DLGAP4: variants seen among roughly 807,000 people sequenced by gnomAD.
DLGAP4 encodes the protein disks large-associated protein 4.
Under a neutral mutation model 86.9 loss-of-function variants are expected in DLGAP4, and 18 were observed. That is an observed-to-expected ratio of 0.21 (90% confidence interval 0.14 to 0.31). DLGAP4 has a LOEUF of 0.31. Among genes scored for constraint, DLGAP4 ranks in the 10% least tolerant of loss-of-function variants. The probability of loss-of-function intolerance (pLI) is 1.00; values close to 1 mark genes in which losing one functional copy is unlikely to be tolerated. For missense variants in DLGAP4, 1,085 were observed against 1,362.6 expected, an observed-to-expected ratio of 0.80 and a Z score of 3.21; for synonymous variants, 548 against 574.3, an observed-to-expected ratio of 0.95 and a Z score of 0.65.
chr20:36,502,338 A>G (rs1158923744), intron 10 of DLGAP4, among the ~76,000 whole-genome samples: 1 of 152,086 alleles, frequency 6.6e-6, no homozygotes, highest in East Asian at 1.9e-4. Flanking sequence ...AATACACTCC[A>G]TTTGCTAAAT....
chr20:36,370,882 G>T (rs987229939), intron 2 of DLGAP4, among the ~76,000 whole-genome samples: 1 of 152,212 alleles, frequency 6.6e-6, no homozygotes, highest in African/African-American at 2.4e-5. Context: ...GTGAGACAGG[G>T]TCAGACCCAC....
At chr20:36,346,676 T>G (rs1170004042) in intron 1 of DLGAP4, among the ~76,000 whole-genome samples, 11 of 152,214 alleles carry the variant, frequency 7.2e-5, no homozygotes, top group African/African-American at 2.7e-4. Flanking sequence ...TGATTTCCTC[T>G]CTCTGTTTTC....
At chr20:36,326,304 T>C (rs1470319582) in intron 1 of DLGAP4, among the ~76,000 whole-genome samples, 1 of 152,238 alleles carries the variant, frequency 6.6e-6, no homozygotes, top group Non-Finnish European at 1.5e-5. Context: ...TCTCTTTTCT[T>C]ATTTTTCTGC....
intron 7 of DLGAP4, among the ~76,000 whole-genome samples, chr20:36,486,992 A>G (rs935879252): frequency 2.6e-5 from 4 of 152,142 alleles, no homozygotes; most frequent in Non-Finnish European, 5.9e-5. Flanking sequence ...CAGGGTTCCA[A>G]GAGTGATTGT....
intron 7 of DLGAP4, among the ~76,000 whole-genome samples, chr20:36,491,334 G>A (rs2035654037): frequency 6.6e-6 from 1 of 152,178 alleles, no homozygotes; most frequent in Non-Finnish European, 1.5e-5. Flanking sequence ...TGCGAGGTAG[G>A]GAGGCTGGGC....
At chr20:36,348,352 C>T (rs1170801069) in intron 1 of DLGAP4, among the ~76,000 whole-genome samples, 1 of 152,214 alleles carries the variant, frequency 6.6e-6, no homozygotes, top group Non-Finnish European at 1.5e-5. Flanking sequence ...GCTATGGCCA[C>T]CTTTTGAGTG....
At chr20:36,378,866 G>A (rs770294095) in intron 2 of DLGAP4, among the ~76,000 whole-genome samples, 7 of 152,100 alleles carry the variant, frequency 4.6e-5, no homozygotes, top group East Asian at 3.9e-4. Flanking sequence ...GTGGGAAGGC[G>A]TGGGAAGCAA....
Position 36,527,097 on chromosome 20 carries a change from C to G in DLGAP4, c.*66C>G. The G allele has an allele frequency of 6.9e-7, 1 of 1,457,804 alleles. No individual in the cohort carries two copies. Among genetic ancestry groups the G allele is most frequent in the Non-Finnish European group, 9.2e-7 (1 of 1,084,276 alleles). 90.3% of individuals were successfully genotyped at this position (1,457,804 alleles called of 1,614,324 possible). The stretch of plus-strand genomic sequence containing the variant: ...ACACAAAAACTAAGTGCGAACGGAA[C>G]AGAGTTTTCTCAACCTTTGCTATGG... On this transcript the variant is annotated 3_prime_UTR_variant, in exon 13 of 13. Transcript: ENST00000339266.
intron 2 of DLGAP4, among the ~76,000 whole-genome samples, chr20:36,383,819 C>T (rs1015666224): frequency 2.0e-5 from 3 of 151,646 alleles, no homozygotes; most frequent in African/African-American, 7.3e-5. Context: ...ACTAAAAATA[C>T]AAAAAATTAG....
At chr20:36,330,484 AGTT>A (rs2065256378) in intron 1 of DLGAP4, among the ~76,000 whole-genome samples, 1 of 151,566 alleles carries the variant, frequency 6.6e-6, no homozygotes, top group East Asian at 1.9e-4. Context: ...TCTGTGCCTT[AGTT>A]TCCTCATCTG....
At chr20:36,323,313 C>A (rs1275784022) in intron 1 of DLGAP4, among the ~76,000 whole-genome samples, 2 of 151,012 alleles carry the variant, frequency 1.3e-5, no homozygotes, top group Non-Finnish European at 2.9e-5. Flanking sequence ...AAAGCCATAG[C>A]TTTGTTTTGT....
At position 36,393,970 on chromosome 20, in the gene DLGAP4, C is replaced by T. The variant is rs1284792639; in HGVS notation, c.-73+26695C>T. Among the ~76,000 whole-genome samples the T allele has an allele frequency of 6.6e-6, 1 of 152,198 alleles. No individual in the cohort carries two copies. The highest frequency in any genetic ancestry group is 1.5e-5 in the Non-Finnish European group (1 of 68,028). On this transcript the variant is annotated intron_variant, in intron 2 of 12. Coordinates refer to ENST00000339266, the MANE Select transcript of DLGAP4 (RefSeq NM_001365621.2). The surrounding 1 kb of genome is among the most constrained non-coding windows in gnomAD (Gnocchi z 4.4). ...TGTACACACAGGGAGGTGGCCTTCA[C>T]AGGGTGCCCCCTCCCTCCTCCATGC...
At chr20:36,450,723 A>G (rs2033715645) in intron 7 of DLGAP4, among the ~76,000 whole-genome samples, 1 of 152,170 alleles carries the variant, frequency 6.6e-6, no homozygotes, top group African/African-American at 2.4e-5. Flanking sequence ...TATCTACCCT[A>G]CAGTCTAACC....
chr20:36,499,678 T>C lies in DLGAP4; in HGVS notation c.2099+2T>C. 6.2e-7 allele frequency: 1 copy of C among 1,613,154 alleles called. No individual in the cohort carries two copies. Among genetic ancestry groups the C allele is most frequent in the Non-Finnish European group, 8.5e-7 (1 of 1,179,674 alleles). Reference sequence around the variant, plus strand: ...GGTTCAGGTAGAGGACGACTGGCGGTAAGTCGGACAGAGGTGGCGGCTGCT... The same window carrying C: ...GGTTCAGGTAGAGGACGACTGGCGGCAAGTCGGACAGAGGTGGCGGCTGCT... On this transcript the variant is annotated splice_donor_variant, in intron 9 of 12. Coordinates refer to ENST00000339266, the MANE Select transcript of DLGAP4 (RefSeq NM_001365621.2). LOFTEE classifies it high-confidence loss of function.
intron 4 of DLGAP4, among the ~76,000 whole-genome samples, chr20:36,436,962 C>A (rs2033304104): frequency 6.6e-6 from 1 of 152,208 alleles, no homozygotes; most frequent in Non-Finnish European, 1.5e-5. Flanking sequence ...AAGTCCCGCT[C>A]ACCCGCAAGC....
At chr20:36,379,011 G>A (rs768089237) in intron 2 of DLGAP4, among the ~76,000 whole-genome samples, 1 of 152,122 alleles carries the variant, frequency 6.6e-6, no homozygotes, top group Non-Finnish European at 1.5e-5. Context: ...GGAGGCAGTG[G>A]CAAACATGCT....
chr20:36,483,670 C>G lies in DLGAP4; in HGVS notation c.1649-13035C>G, dbSNP rs572908578. Among the ~76,000 whole-genome samples the G allele has an allele frequency of 2.6e-5, 4 of 152,332 alleles. 1 individual carries two copies. The South Asian group carries it at 6.2e-4, about 24-fold the overall frequency. ...CAGACTCAGCCACGCTGGAGAAGTC[C>G]TAAGTGGCTGGGAACCCATGTGAGT... is the stretch of plus-strand genomic sequence containing the variant. On this transcript the variant is annotated intron_variant, in intron 7 of 12. Coordinates refer to ENST00000339266, the MANE Select transcript of DLGAP4 (RefSeq NM_001365621.2).
intron 1 of DLGAP4, among the ~76,000 whole-genome samples, chr20:36,357,207 G>A (rs1029815219): frequency 6.6e-6 from 1 of 152,060 alleles, no homozygotes; most frequent in African/African-American, 2.4e-5. Context: ...CTCCCCCAGA[G>A]CACACAGACC....
chr20:36,519,590 T>A (rs932108850), intron 10 of DLGAP4, among the ~76,000 whole-genome samples: 1 of 152,210 alleles, frequency 6.6e-6, no homozygotes, highest in African/African-American at 2.4e-5. Flanking sequence ...CTGTTTTCAA[T>A]TCTTTTGGGT....
Sources: allele counts gnomAD v4.1 joint callset (sites outside exome capture counted in the v4.1 genomes callset), GRCh38; gene constraint gnomAD v4.1.1; non-coding constraint Gnocchi (gnomAD v3.1); transcripts MANE v1.5; gene names NCBI Gene and HGNC (gene_info 2026-07-23, HGNC 2026-07-21).